Variants in KCNAB1 observed in about 807,000 individuals in gnomAD.
KCNAB1 encodes the protein potassium voltage-gated channel subfamily A regulatory beta subunit 1, also known as voltage-gated potassium channel subunit beta-1.
KCNAB1 carries 35 observed loss-of-function variants against 64.6 expected under a neutral mutation model. The ratio of observed to expected loss-of-function variants is 0.54; its 90% CI spans 0.41 to 0.72. KCNAB1 has a LOEUF of 0.72. KCNAB1 is among the 30% of genes least tolerant of loss of function. The pLI is 0.00. For missense variants in KCNAB1, 401 were observed against 512.9 expected (o/e 0.78, Z 2.11); for synonymous variants, 177 against 183.8 (o/e 0.96, Z 0.30).
At position 156,266,963 on chromosome 3, in the gene KCNAB1, C is replaced by T. The variant is rs574660389; in HGVS notation, c.275+146077C>T. 2.3e-3 allele frequency among the ~76,000 whole-genome samples: 356 copies of T among 151,996 alleles called. 1 individual carries two copies. The highest frequency in any genetic ancestry group is 8.1e-3 in the African/African-American group (337 of 41,454). On this transcript the variant is annotated intron_variant, in intron 1 of 13. Coordinates refer to ENST00000490337, the MANE Select transcript of KCNAB1 (RefSeq NM_172160.3). ...CCTACAGGCTCCCCATTACAGAAAG[C>T]ATTATTTCTTTTTTCTAGGTATGAC...
intron 1 of KCNAB1, among the ~76,000 whole-genome samples, chr3:156,354,733 A>G (rs899033675): frequency 6.6e-6 from 1 of 151,974 alleles, no homozygotes; most frequent in African/African-American, 2.4e-5. Context: ...CAAAAAAAAA[A>G]AAAAAAAAGG....
intron 1 of KCNAB1, among the ~76,000 whole-genome samples, chr3:156,372,595 G>GTGGA (rs1406813469): frequency 4.6e-5 from 7 of 152,178 alleles, no homozygotes; most frequent in Non-Finnish European, 1.0e-4. Flanking sequence ...TTGTACAAGT[G>GTGGA]TGGAGTCTGA....
chr3:156,322,755 C>G (rs985441295), intron 1 of KCNAB1, among the ~76,000 whole-genome samples: 2 of 152,164 alleles, frequency 1.3e-5, no homozygotes, highest in African/African-American at 2.4e-5. Context: ...TAATATTTAA[C>G]AGAACCACTG....
chr3:156,453,067 A>C, intron 3 of KCNAB1, 131 bp downstream of exon 3: 1 of 557,394 alleles, frequency 1.8e-6, no homozygotes, highest in East Asian at 2.9e-5. Context: ...GGTAAAATTG[A>C]CTCAGAGATT....
At chr3:156,295,372 C>A (rs982881933) in intron 1 of KCNAB1, among the ~76,000 whole-genome samples, 1 of 152,062 alleles carries the variant, frequency 6.6e-6, no homozygotes, top group Non-Finnish European at 1.5e-5. Context: ...TTATATAATG[C>A]CTTATGATTT....
At chr3:156,285,376 G>A (rs959847131) in intron 1 of KCNAB1, among the ~76,000 whole-genome samples, 2 of 152,182 alleles carry the variant, frequency 1.3e-5, no homozygotes, top group Non-Finnish European at 1.5e-5. Flanking sequence ...ACTAATGACA[G>A]TTGTAAAAAA....
chr3:156,181,619 A>C (rs1712826015), intron 1 of KCNAB1, among the ~76,000 whole-genome samples: 1 of 152,196 alleles, frequency 6.6e-6, no homozygotes, highest in Non-Finnish European at 1.5e-5. Flanking sequence ...CAGGCCAGTA[A>C]TGGTGGTAGG....
At chr3:156,354,037 G>T (rs910172833) in intron 1 of KCNAB1, among the ~76,000 whole-genome samples, 1 of 128,562 alleles carries the variant, frequency 7.8e-6, no homozygotes, top group Admixed American at 7.3e-5. Flanking sequence ...TAATGTGTGT[G>T]TGTATATATA....
chr3:156,182,710 T>A (rs920697927), intron 1 of KCNAB1, among the ~76,000 whole-genome samples: 3 of 150,898 alleles, frequency 2.0e-5, no homozygotes, highest in Non-Finnish European at 4.4e-5. Flanking sequence ...TTTTTTTTTT[T>A]TTTATTTTGC....
chr3:156,182,629 T>TACCC (rs1491347693), intron 1 of KCNAB1, among the ~76,000 whole-genome samples: 1 of 120,444 alleles, frequency 8.3e-6, no homozygotes, highest in Non-Finnish European at 1.8e-5. Context: ...GGTTTTTTTT[T>TACCC]CCCCCCCCCG....
At chr3:156,434,336 G>A (rs16826130) in intron 2 of KCNAB1, among the ~76,000 whole-genome samples, 5,438 of 152,188 alleles carry the variant, frequency 0.036, 327 homozygotes, top group African/African-American at 0.13. Context: ...TCACTTTTAC[G>A]GAAGATTAAA....
At chr3:156,394,888 G>T (rs1713310086) in intron 1 of KCNAB1, among the ~76,000 whole-genome samples, 1 of 152,186 alleles carries the variant, frequency 6.6e-6, no homozygotes, top group Non-Finnish European at 1.5e-5. Flanking sequence ...TGATTAATGT[G>T]TCAATCATCT....
chr3:156,445,425 C>T (rs1413373982), intron 2 of KCNAB1, among the ~76,000 whole-genome samples: 1 of 152,112 alleles, frequency 6.6e-6, no homozygotes, highest in African/African-American at 2.4e-5. Flanking sequence ...AATACTGATG[C>T]CAGGATTCCA....
chr3:156,162,228 GTATT>G (rs1716124573), intron 1 of KCNAB1, among the ~76,000 whole-genome samples: 1 of 150,458 alleles, frequency 6.6e-6, no homozygotes, highest in South Asian at 2.1e-4. Flanking sequence ...AATAGAAAGA[GTATT>G]TAGGACATAT....
intron 1 of KCNAB1, among the ~76,000 whole-genome samples, chr3:156,353,681 T>A (rs539067734): frequency 6.1e-4 from 93 of 152,306 alleles, no homozygotes; most frequent in Non-Finnish European, 1.1e-3. Flanking sequence ...TCGCTGGCTA[T>A]TGGCCAGAGG....
At chr3:156,467,450 G>A (rs770526502) in intron 7 of KCNAB1, among the ~76,000 whole-genome samples, 10 of 152,054 alleles carry the variant, frequency 6.6e-5, no homozygotes, top group Non-Finnish European at 1.5e-4. Flanking sequence ...TGTAAAATGT[G>A]CTCTAATCTC....
At chr3:156,437,281 A>C (rs978676395) in intron 2 of KCNAB1, among the ~76,000 whole-genome samples, 8 of 151,594 alleles carry the variant, frequency 5.3e-5, no homozygotes, top group African/African-American at 1.7e-4. Flanking sequence ...GGGAACTGTG[A>C]AATCGAAAAT....
intron 1 of KCNAB1, among the ~76,000 whole-genome samples, chr3:156,124,686 T>C (rs1713549111): frequency 6.6e-6 from 1 of 152,208 alleles, no homozygotes; most frequent in Non-Finnish European, 1.5e-5. Flanking sequence ...TCACTGGCAA[T>C]ATTCAAGAAT....
chr3:156,147,184 G>A (rs1000389729), intron 1 of KCNAB1, among the ~76,000 whole-genome samples: 13 of 152,194 alleles, frequency 8.5e-5, no homozygotes, highest in African/African-American at 3.1e-4. Context: ...GCATTAAATT[G>A]TGAAGAGGGA....
Sources: allele counts gnomAD v4.1 joint callset (sites outside exome capture counted in the v4.1 genomes callset), GRCh38; gene constraint gnomAD v4.1.1; transcripts MANE v1.5; gene names NCBI Gene and HGNC (gene_info 2026-07-23, HGNC 2026-07-21).